Variants in RCBTB1 observed in about 807,000 individuals in gnomAD.
RCBTB1 encodes RCC1 and BTB domain containing protein 1, also known as RCC1 and BTB domain-containing protein 1.
RCBTB1 carries 46 observed loss-of-function variants against 62.4 expected under a neutral mutation model. The observed-to-expected ratio is 0.74, with a 90% CI of 0.58 to 0.94. The LOEUF (loss-of-function observed/expected upper bound fraction) is 0.94, where lower values mean the gene tolerates loss of function less well. Ranked by LOEUF, RCBTB1 falls within the 40% of genes least tolerant of loss-of-function variation. The pLI is 0.00. For synonymous variants in RCBTB1, 222 were observed against 245.8 expected, an observed-to-expected ratio of 0.90 and a Z score of 0.91; for missense variants, 565 against 654.9, an observed-to-expected ratio of 0.86 and a Z score of 1.50.
At chr13:49,569,584 C>A (rs577624903) in intron 2 of RCBTB1, among the ~76,000 whole-genome samples, 1 of 151,746 alleles carries the variant, frequency 6.6e-6, no homozygotes, top group African/African-American at 2.4e-5. Context: ...GCGGTAGTGG[C>A]GCATGCCTGT....
chr13:49,575,577 AAAG>A (rs747543214), intron 2 of RCBTB1, among the ~76,000 whole-genome samples: 40 of 152,198 alleles, frequency 2.6e-4, no homozygotes, highest in Admixed American at 1.3e-3. Context: ...ACATGGCCAT[AAAG>A]AAGAACAAAA....
At chr13:49,566,511 G>A in intron 4 of RCBTB1, 107 bp downstream of exon 4, 1 of 1,091,688 alleles carries the variant, frequency 9.2e-7, no homozygotes, top group South Asian at 1.9e-5. Context: ...AAATTAAGAA[G>A]CAAACAATCC....
chr13:49,544,238 G>A (rs962439626), intron 10 of RCBTB1, among the ~76,000 whole-genome samples: 3 of 152,184 alleles, frequency 2.0e-5, no homozygotes, highest in Admixed American at 6.5e-5. Flanking sequence ...GGGAGGCTGA[G>A]GCGGGCAGAT....
At chr13:49,577,965 T>C (rs1324333068) in intron 2 of RCBTB1, among the ~76,000 whole-genome samples, 1 of 152,260 alleles carries the variant, frequency 6.6e-6, no homozygotes, top group Non-Finnish European at 1.5e-5. Flanking sequence ...TGATTTTATT[T>C]ATCAGTTTAA....
At chr13:49,559,190 A>G (rs988270743) in intron 5 of RCBTB1, among the ~76,000 whole-genome samples, 23 of 152,200 alleles carry the variant, frequency 1.5e-4, no homozygotes, top group African/African-American at 4.1e-4. Context: ...TATGTATCCA[A>G]TGGAATATTA....
At position 49,584,909 on chromosome 13, in the gene RCBTB1, T is replaced by C. The variant is rs78584646; in HGVS notation, c.-122+535A>G. ...AGGCAGACAAGGGAAACGTCACTTATTTAGAGTTCACCGCACGCCTGGATA... is the reference window on the plus strand; with the variant it reads ...AGGCAGACAAGGGAAACGTCACTTACTTAGAGTTCACCGCACGCCTGGATA... On this transcript the variant is annotated intron_variant, in intron 1 of 12. Transcript: ENST00000378302. Among the ~76,000 whole-genome samples, 1,097 of 152,208 alleles carry C rather than the reference T, an allele frequency of 7.2e-3. 44 individuals are homozygous for C. The East Asian group carries it at 0.12, about 16-fold the overall frequency.
At chr13:49,551,186 A>T in intron 8 of RCBTB1, 140 bp downstream of exon 8, 1 of 886,356 alleles carries the variant, frequency 1.1e-6, no homozygotes, top group Non-Finnish European at 1.7e-6. Context: ...GGGAAGGGAG[A>T]AGGGAAGGTT....
At chr13:49,570,765 G>C (rs1400492238) in intron 2 of RCBTB1, among the ~76,000 whole-genome samples, 1 of 152,232 alleles carries the variant, frequency 6.6e-6, no homozygotes, top group African/African-American at 2.4e-5. Context: ...CGTAGACACT[G>C]TTAATTAGGT....
chr13:49,570,843 T>C, intron 2 of RCBTB1, among the ~76,000 whole-genome samples: 1 of 152,220 alleles, frequency 6.6e-6, no homozygotes, highest in East Asian at 1.9e-4. Context: ...AAACCATTTC[T>C]GACAGATGAG....
chr13:49,584,682 A>T (rs892064061), intron 1 of RCBTB1, among the ~76,000 whole-genome samples: 3 of 152,230 alleles, frequency 2.0e-5, no homozygotes, highest in African/African-American at 7.2e-5. Flanking sequence ...ATAGGGCAAA[A>T]GCAAGGAAGA....
chr13:49,560,231 TA>T (rs1962328132), intron 4 of RCBTB1, 147 bp from the exon 5 acceptor site: 2 of 774,626 alleles, frequency 2.6e-6, no homozygotes, highest in Non-Finnish European at 4.0e-6. Flanking sequence ...ATGGACAGAG[TA>T]AAGGAGAGAG....
chr13:49,553,639 G>C (rs1961584342), intron 6 of RCBTB1, among the ~76,000 whole-genome samples: 1 of 152,146 alleles, frequency 6.6e-6, no homozygotes, highest in African/African-American at 2.4e-5. Context: ...ACAAACCCAA[G>C]ATTTGTGGTG....
intron 2 of RCBTB1, among the ~76,000 whole-genome samples, chr13:49,578,699 A>G (rs1005278873): frequency 6.6e-6 from 1 of 152,250 alleles, no homozygotes; most frequent in African/African-American, 2.4e-5. Context: ...ATAACAGAAA[A>G]CAATTACACG....
At chr13:49,568,058 C>T (rs1963145321) in intron 2 of RCBTB1, among the ~76,000 whole-genome samples, 1 of 152,190 alleles carries the variant, frequency 6.6e-6, no homozygotes, top group African/African-American at 2.4e-5. Context: ...CAAAGGCCAC[C>T]ACTGTTCCCA....
chr13:49,578,452 G>T (rs1017364795), intron 2 of RCBTB1, among the ~76,000 whole-genome samples: 1 of 152,204 alleles, frequency 6.6e-6, no homozygotes, highest in African/African-American at 2.4e-5. Flanking sequence ...AATGACCCCA[G>T]ATACCAACAA....
intron 6 of RCBTB1, among the ~76,000 whole-genome samples, chr13:49,554,061 C>T (rs558086837): frequency 2.1e-4 from 32 of 152,242 alleles, no homozygotes; most frequent in African/African-American, 7.7e-4. Flanking sequence ...TGGAAAGCCG[C>T]ATAAATGGTC....
At chr13:49,541,062 A>AATCTCTGTGTATTG in intron 11 of RCBTB1, 56 bp from the exon 12 acceptor site, 2 of 1,534,486 alleles carry the variant, frequency 1.3e-6, no homozygotes, top group Non-Finnish European at 1.8e-6. Flanking sequence ...TCCAATACAC[A>AATCTCTGTGTATTG]GAGATTTTGT....
intron 2 of RCBTB1, among the ~76,000 whole-genome samples, chr13:49,568,401 T>C (rs1407526704): frequency 1.3e-5 from 2 of 152,232 alleles, no homozygotes; most frequent in Admixed American, 6.5e-5. Flanking sequence ...ATTTCTAAAA[T>C]AAATTCCTAA....
chr13:49,580,908 A>C (rs545892969), intron 1 of RCBTB1, among the ~76,000 whole-genome samples: 2 of 152,354 alleles, frequency 1.3e-5, no homozygotes, highest in South Asian at 4.1e-4. Context: ...GGATCTAGAC[A>C]CATAAACAGA....
Sources: allele counts gnomAD v4.1 joint callset (sites outside exome capture counted in the v4.1 genomes callset), GRCh38; gene constraint gnomAD v4.1.1; transcripts MANE v1.5; gene names NCBI Gene and HGNC (gene_info 2026-07-23, HGNC 2026-07-21).